Variants in ARHGEF9 observed in about 807,000 individuals in gnomAD.
ARHGEF9 encodes rho guanine nucleotide exchange factor 9.
Under a neutral mutation model 41.3 loss-of-function variants are expected in ARHGEF9, and 2 were observed. The ratio of observed to expected loss-of-function variants is 0.05; its 90% CI spans 0.02 to 0.15. The LOEUF (loss-of-function observed/expected upper bound fraction) is 0.15. Ranked by LOEUF, ARHGEF9 falls within the 10% of genes least tolerant of loss-of-function variation. The pLI is 1.00. For synonymous variants in ARHGEF9, 160 were observed against 154.4 expected, an observed-to-expected ratio of 1.04 and a Z score of -0.27; for missense variants, 225 against 424.7, an observed-to-expected ratio of 0.53 and a Z score of 4.13.
chrX:63,691,208 G>C (rs1384564171), intron 4 of ARHGEF9, among the ~76,000 whole-genome samples: 1 of 111,510 alleles, frequency 9.0e-6, no homozygotes, highest in African/African-American at 3.3e-5. Context: ...CTTGTTAGCA[G>C]ATGATATAAT....
intron 1 of ARHGEF9, among the ~76,000 whole-genome samples, chrX:63,775,908 A>C (rs1556458133): frequency 9.0e-6 from 1 of 111,417 alleles, no homozygotes; most frequent in Non-Finnish European, 1.9e-5. Flanking sequence ...CAATACCCTG[A>C]ACCCCTCACC....
chrX:63,684,163 CA>C (rs200445894), intron 4 of ARHGEF9, among the ~76,000 whole-genome samples: 6 of 104,383 alleles, frequency 5.7e-5, no homozygotes, highest in Middle Eastern at 4.9e-3. Flanking sequence ...CACTTCACAG[CA>C]AAAAAAAACA....
intron 6 of ARHGEF9, among the ~76,000 whole-genome samples, chrX:63,667,577 C>A (rs1312228367): frequency 2.7e-5 from 3 of 110,678 alleles, no homozygotes; most frequent in Non-Finnish European, 5.7e-5. Flanking sequence ...ACAAATCAGG[C>A]AGGGTAGTAG....
intron 1 of ARHGEF9, among the ~76,000 whole-genome samples, chrX:63,725,149 C>T (rs1374335473): frequency 9.0e-6 from 1 of 110,525 alleles, no homozygotes; most frequent in African/African-American, 3.3e-5. Context: ...TTGGAACTGA[C>T]CAATTGAGAG....
chrX:63,647,402 C>T (rs1225588959), intron 8 of ARHGEF9, among the ~76,000 whole-genome samples: 2 of 111,397 alleles, frequency 1.8e-5, no homozygotes, highest in Non-Finnish European at 3.8e-5. Context: ...TGAAATACGT[C>T]CCATCAGTAT....
At chrX:63,697,424 C>T (rs1412630840) in intron 3 of ARHGEF9, 120 bp from the exon 4 acceptor site, 2 of 624,546 alleles carry the variant, frequency 3.2e-6, no homozygotes, top group Non-Finnish European at 5.0e-6. Flanking sequence ...TAATTATTTT[C>T]ATTTTTCATA....
At chrX:63,761,643 G>A (rs1201024185) in intron 1 of ARHGEF9, among the ~76,000 whole-genome samples, 4 of 111,459 alleles carry the variant, frequency 3.6e-5, no homozygotes, top group Non-Finnish European at 7.5e-5. Context: ...ATTACAGTTT[G>A]AGAATTTCAA....
At chrX:63,717,307 T>C (rs1307108974) in intron 2 of ARHGEF9, among the ~76,000 whole-genome samples, 2 of 112,241 alleles carry the variant, frequency 1.8e-5, no homozygotes, top group African/African-American at 3.2e-5. Context: ...AGAAAGAACA[T>C]TGTCCAATTA....
At chrX:63,778,100 C>A (rs1332316447) in intron 1 of ARHGEF9, among the ~76,000 whole-genome samples, 1 of 112,977 alleles carries the variant, frequency 8.9e-6, no homozygotes, top group Non-Finnish European at 1.9e-5. Flanking sequence ...CATGAGGGCT[C>A]CACTGCTGCA....
At chrX:63,744,916 G>A (rs1486146606) in intron 1 of ARHGEF9, among the ~76,000 whole-genome samples, 1 of 111,917 alleles carries the variant, frequency 8.9e-6, no homozygotes, top group African/African-American at 3.3e-5. Flanking sequence ...AAGCCCTCCT[G>A]CCATGCAGGG....
chrX:63,665,925 G>A lies in ARHGEF9; in HGVS notation c.1038C>T (p.Val346=). ...YQPYGRNQQR[V]FFLFDHQMVL... is the part of the protein sequence containing the mutation. ...CCATCTGGTGGTCAAACAGGAAGAA[G>A]ACCCGCTGCTGGTTGCGGCCGTAGG... The change falls in exon 7 of 10, where the codon GTC becomes GTT. Residue 346 remains valine, a synonymous_variant. Transcript: ENST00000671741. 8.3e-7 allele frequency: 1 copy of A among 1,210,958 alleles called. No individual in the cohort carries two copies. The highest frequency in any genetic ancestry group is 1.1e-6 in the Non-Finnish European group (1 of 895,330).
At chrX:63,785,028 A>G in intron 1 of ARHGEF9, 88 bp downstream of exon 1, 3 of 1,094,968 alleles carry the variant, frequency 2.7e-6, no homozygotes, top group Non-Finnish European at 3.7e-6. Context: ...CAGGGTGCTC[A>G]CTGCCTTGTG....
intron 1 of ARHGEF9, among the ~76,000 whole-genome samples, chrX:63,739,906 G>A (rs2054846125): frequency 8.9e-6 from 1 of 111,887 alleles, no homozygotes; most frequent in Non-Finnish European, 1.9e-5. Context: ...GAAAACTGAG[G>A]GTCAGGAGAA....
At chrX:63,640,038 T>A (rs2047525085) in intron 9 of ARHGEF9, 2 of 112,018 alleles carry the variant, frequency 1.8e-5, no homozygotes, top group African/African-American at 6.5e-5. Flanking sequence ...TAAGTTCTAG[T>A]GTTCAGTAGC....
intron 4 of ARHGEF9, 125 bp downstream of exon 4, chrX:63,697,000 G>A: frequency 1.4e-6 from 1 of 710,409 alleles, no homozygotes. Context: ...TCAAAATGAA[G>A]GCCCAAGAGG....
At chrX:63,755,204 A>G (rs1233846743) in intron 1 of ARHGEF9, 1 of 937,079 alleles carries the variant, frequency 1.1e-6, no homozygotes, top group Non-Finnish European at 1.3e-6. Context: ...AGCCACTGAC[A>G]TACCCGCCGA....
intron 6 of ARHGEF9, among the ~76,000 whole-genome samples, chrX:63,667,639 C>T (rs1446796199): frequency 1.5e-4 from 17 of 110,498 alleles, no homozygotes; most frequent in African/African-American, 5.6e-4. Context: ...CCATTTTTTT[C>T]CCCAGTCTAA....
chrX:63,694,737 G>A (rs1404268599), intron 4 of ARHGEF9, among the ~76,000 whole-genome samples: 1 of 112,070 alleles, frequency 8.9e-6, no homozygotes, highest in Non-Finnish European at 1.9e-5. Flanking sequence ...AGAGGACTTT[G>A]TGGAGTTATA....
chrX:63,706,578 T>C, intron 2 of ARHGEF9, 129 bp from the exon 3 acceptor site: 1 of 808,525 alleles, frequency 1.2e-6, no homozygotes, highest in African/African-American at 2.0e-5. Context: ...CCTGTGCAAG[T>C]AGAATTCGAA....
Sources: gnomAD v4.1 joint callset for allele counts (sites outside exome capture counted in the v4.1 genomes callset) on GRCh38, gnomAD v4.1.1 for gene constraint, MANE v1.5 for transcripts, NCBI Gene and HGNC (gene_info 2026-07-23, HGNC 2026-07-21) for gene names.